Variants in SSPN observed in about 807,000 individuals in gnomAD.
SSPN encodes sarcospan.
Under a neutral mutation model 19.1 loss-of-function variants are expected in SSPN, and 15 were observed. The ratio of observed to expected loss-of-function variants is 0.78; its 90% CI spans 0.52 to 1.21. SSPN has a LOEUF of 1.21. Among genes scored for constraint, SSPN ranks in the 50% most tolerant of loss-of-function variants. SSPN has a pLI of 0.00. For synonymous variants in SSPN, 147 were observed against 140.3 expected (o/e 1.05, Z -0.34); for missense variants, 291 against 314.0 (o/e 0.93, Z 0.55).
intron 1 of SSPN, among the ~76,000 whole-genome samples, chr12:26,216,194 T>A (rs186927975): frequency 1.9e-3 from 282 of 152,268 alleles, no homozygotes; most frequent in African/African-American, 5.7e-3. Flanking sequence ...ACCATTTCGA[T>A]AAACCCTACA....
At chr12:26,126,133 G>C (rs1357322496) in intron 1 of SSPN, 1 of 152,240 alleles carries the variant, frequency 6.6e-6, no homozygotes, top group Non-Finnish European at 1.5e-5. Flanking sequence ...CTGCAGCCGC[G>C]GCGCTCGGCG....
At chr12:26,123,901 C>A (rs1053743913) in intron 1 of SSPN, 1 of 747,688 alleles carries the variant, frequency 1.3e-6, no homozygotes, top group Non-Finnish European at 2.3e-6. Flanking sequence ...TAAATGATTT[C>A]TTGCCTTCAG....
At chr12:26,204,289 G>A (rs985390825) in intron 1 of SSPN, among the ~76,000 whole-genome samples, 3 of 152,084 alleles carry the variant, frequency 2.0e-5, no homozygotes, top group African/African-American at 7.2e-5. Context: ...GACATATGGA[G>A]GAAGCTGTTT....
At chr12:26,123,250 C>A in intron 1 of SSPN, 1 of 1,462,968 alleles carries the variant, frequency 6.8e-7, no homozygotes, top group Non-Finnish European at 9.1e-7. Flanking sequence ...ATCTGCTTAT[C>A]ACGTGGGCCC....
chr12:26,217,976 C>G (rs1382457263), intron 1 of SSPN, among the ~76,000 whole-genome samples: 3 of 151,402 alleles, frequency 2.0e-5, no homozygotes, highest in Non-Finnish European at 3.0e-5. Flanking sequence ...GGTATATACT[C>G]AAAGGACTAT....
At chr12:26,133,055 C>A (rs1465778074) in intron 1 of SSPN, among the ~76,000 whole-genome samples, 1 of 152,208 alleles carries the variant, frequency 6.6e-6, no homozygotes, top group Admixed American at 6.5e-5. Flanking sequence ...TAACTCATTA[C>A]AATGACCCAT....
intron 1 of SSPN, among the ~76,000 whole-genome samples, chr12:26,156,183 A>G (rs570845504): frequency 2.6e-5 from 4 of 152,226 alleles, no homozygotes; most frequent in African/African-American, 9.6e-5. Context: ...TCACACCAGA[A>G]CTCCGTGAAG....
intron 2 of SSPN, among the ~76,000 whole-genome samples, chr12:26,230,386 T>A (rs1945217056): frequency 6.6e-6 from 1 of 152,218 alleles, no homozygotes; most frequent in South Asian, 2.1e-4. Context: ...CAGGGATGGC[T>A]AGCTTGTTTG....
rs1945252184 is a variant in SSPN at position 26,233,130 on chromosome 12, C to T, written c.*2054C>T. ...ACATCCCGAATTTCTTTAACAACAA[C>T]ATTTTATAGTGAACACTACAAGTTT... On this transcript the variant is annotated 3_prime_UTR_variant, in exon 3 of 3. Coordinates refer to ENST00000242729, the MANE Select transcript of SSPN (RefSeq NM_005086.5). This position sits in a 1 kb window ranked among gnomAD's most constrained non-coding sequence, Gnocchi z 4.3. 2 of 151,944 alleles carry T rather than the reference C, an allele frequency of 1.3e-5. No individual in the cohort carries two copies. The highest frequency in any genetic ancestry group is 4.8e-5 in the African/African-American group (2 of 41,366). The allele number at this position is 151,944 out of a possible 1,614,324, so 9.4% of individuals were successfully genotyped here.
chr12:26,143,728 G>A (rs1431846557), intron 1 of SSPN, among the ~76,000 whole-genome samples: 4 of 152,202 alleles, frequency 2.6e-5, no homozygotes, highest in Admixed American at 2.6e-4. Context: ...TTTTTGTGAT[G>A]TACCTTAAAA....
upstream of SSPN, among the ~76,000 whole-genome samples, chr12:26,191,039 T>C (rs1037676881): frequency 6.6e-6 from 1 of 152,210 alleles, no homozygotes; most frequent in Non-Finnish European, 1.5e-5. Context: ...TTTCTTTCAC[T>C]CAGCACACTG....
intron 1 of SSPN, among the ~76,000 whole-genome samples, chr12:26,217,693 TATG>T (rs1263165047): frequency 7.3e-6 from 1 of 137,820 alleles, no homozygotes; most frequent in African/African-American, 2.8e-5. Flanking sequence ...GCCCATTCAG[TATG>T]ATATTGGCTG....
At chr12:26,219,370 A>G (rs1332287185) in intron 1 of SSPN, among the ~76,000 whole-genome samples, 1 of 152,228 alleles carries the variant, frequency 6.6e-6, no homozygotes, top group South Asian at 2.1e-4. Context: ...CTGGTCCAGT[A>G]TCTACCTTTT....
At chr12:26,227,052 C>G (rs1224392922) in intron 2 of SSPN, among the ~76,000 whole-genome samples, 1 of 152,058 alleles carries the variant, frequency 6.6e-6, no homozygotes, top group Non-Finnish European at 1.5e-5. Context: ...AAGACAGATG[C>G]CTCCCGCGCC....
chr12:26,233,331 G>GATATATATAT lies in SSPN; in HGVS notation c.*2265_*2274dup, dbSNP rs10547333. 7.6e-5 allele frequency: 11 copies of GATATATATAT among 144,754 alleles called. No individual in the cohort carries two copies. The highest frequency in any genetic ancestry group is 3.0e-4 in the African/African-American group (11 of 36,690). The allele number at this position is 144,754 out of a possible 1,614,324, so 9.0% of individuals were successfully genotyped here. On this transcript the variant is annotated 3_prime_UTR_variant, in exon 3 of 3. Coordinates refer to ENST00000242729, the MANE Select transcript of SSPN (RefSeq NM_005086.5). This position sits in a 1 kb window ranked among gnomAD's most constrained non-coding sequence, Gnocchi z 4.3. ...CTTTATAATAGTATAACCGTCAGGA[G>GATATATATAT]ATATATATATATATATATACACATA...
chr12:26,202,476 T>A (rs60530440), intron 1 of SSPN, among the ~76,000 whole-genome samples: 10 of 152,182 alleles, frequency 6.6e-5, no homozygotes, highest in Non-Finnish European at 1.0e-4. Flanking sequence ...GTCATTTGAC[T>A]TATATGCACT....
At chr12:26,160,283 T>G (rs558502396) in intron 1 of SSPN, among the ~76,000 whole-genome samples, 1 of 152,250 alleles carries the variant, frequency 6.6e-6, no homozygotes, top group Non-Finnish European at 1.5e-5. Context: ...AATGCCCTTG[T>G]GTACAAATGA....
intron 1 of SSPN, among the ~76,000 whole-genome samples, chr12:26,156,809 G>A (rs547122064): frequency 2.0e-5 from 3 of 152,308 alleles, no homozygotes; most frequent in Non-Finnish European, 2.9e-5. Flanking sequence ...ATAGCTGGAC[G>A]TGAAAAACAA....
intron 1 of SSPN, among the ~76,000 whole-genome samples, chr12:26,149,994 T>C (rs778261011): frequency 1.3e-5 from 2 of 152,232 alleles, no homozygotes; most frequent in Non-Finnish European, 2.9e-5. Context: ...TCACATCTTC[T>C]GAAAGGTAGG....
Sources: gnomAD v4.1 joint callset for allele counts (sites outside exome capture counted in the v4.1 genomes callset) on GRCh38, gnomAD v4.1.1 for gene constraint, Gnocchi (gnomAD v3.1) non-coding constraint, MANE v1.5 for transcripts, NCBI Gene and HGNC (gene_info 2026-07-23, HGNC 2026-07-21) for gene names.